Variants in LOC131768270 observed in about 807,000 individuals in gnomAD.
chr5:140,567,286 G>C, the LOC131768270 span: 5 of 1,614,172 alleles, frequency 3.1e-6, no homozygotes, highest in South Asian at 5.5e-5. Context: ...TGCTGGCACT[G>C]TGCCATGTGG....
the LOC131768270 span, chr5:140,568,218 C>T: frequency 6.2e-7 from 1 of 1,606,742 alleles, no homozygotes; most frequent in Non-Finnish European, 8.5e-7. Context: ...CCCAGGCCTT[C>T]CTCCCTCTCC....
chr5:140,567,229 C>T, the LOC131768270 span: 2 of 1,614,194 alleles, frequency 1.2e-6, no homozygotes, highest in Non-Finnish European at 1.7e-6. Flanking sequence ...CCCGCTGGAC[C>T]CTGATGCTAC....
chr5:140,565,970 A>G, the LOC131768270 span: 9 of 398,844 alleles, frequency 2.3e-5, no homozygotes, highest in Non-Finnish European at 3.5e-5. Flanking sequence ...GGAGTGGGCC[A>G]GGTAAGGACT....
At chr5:140,567,047 T>G in the LOC131768270 span, 3 of 1,479,622 alleles carry the variant, frequency 2.0e-6, no homozygotes, top group Non-Finnish European at 2.8e-6. Flanking sequence ...CCTCTGATCC[T>G]CAGTATTCTC....
the LOC131768270 span, chr5:140,566,636 A>T: frequency 2.2e-6 from 1 of 451,526 alleles, no homozygotes; most frequent in African/African-American, 2.0e-5. Flanking sequence ...AACTGAGGGC[A>T]TCAGCAGTAT....
chr5:140,568,150 G>C, the LOC131768270 span: 2 of 1,613,756 alleles, frequency 1.2e-6, no homozygotes, highest in Non-Finnish European at 1.7e-6. Context: ...GCTAGTCCCT[G>C]ACAACTTCCA....
chr5:140,567,302 C>T, the LOC131768270 span: 4 of 1,614,174 alleles, frequency 2.5e-6, no homozygotes, highest in South Asian at 3.3e-5. Context: ...TGTGGACGGC[C>T]GAGTGCCCTT....
chr5:140,568,745 A>G, the LOC131768270 span: 1 of 168,010 alleles, frequency 6.0e-6, no homozygotes, highest in African/African-American at 2.4e-5. Context: ...GCTGCTCCCC[A>G]CACCTAGCCT....
chr5:140,567,244 A>T, the LOC131768270 span: 20 of 1,614,120 alleles, frequency 1.2e-5, no homozygotes, highest in East Asian at 4.5e-4. Flanking sequence ...TGCTACTCCT[A>T]TCCACTGCCA....
At chr5:140,566,011 T>G in the LOC131768270 span, 2 of 398,944 alleles carry the variant, frequency 5.0e-6, no homozygotes, top group Non-Finnish European at 4.4e-6. Context: ...TAGGCTTTAT[T>G]GCCCAACATG....
the LOC131768270 span, chr5:140,565,999 C>T: frequency 2.5e-6 from 1 of 398,874 alleles, no homozygotes; most frequent in Non-Finnish European, 4.4e-6. Context: ...CCACCCCTGC[C>T]TTAGGCTTTA....
chr5:140,566,768 G>A, the LOC131768270 span: 2 of 599,554 alleles, frequency 3.3e-6, no homozygotes, highest in Non-Finnish European at 5.9e-6. Context: ...ACTAGCTCTA[G>A]GTGCCATGGA....
the LOC131768270 span, chr5:140,568,080 C>T: frequency 1.2e-6 from 2 of 1,613,902 alleles, no homozygotes; most frequent in Non-Finnish European, 1.7e-6. Flanking sequence ...CAGCTCACAG[C>T]CGCCTTCTTC....
the LOC131768270 span, chr5:140,565,085 C>G: frequency 2.5e-6 from 1 of 395,796 alleles, no homozygotes; most frequent in Non-Finnish European, 4.4e-6. Flanking sequence ...GGAACCATCA[C>G]GAACCCGTTA....
chr5:140,567,475 G>A, the LOC131768270 span: 2 of 1,614,146 alleles, frequency 1.2e-6, no homozygotes, highest in Non-Finnish European at 1.7e-6. Flanking sequence ...ACAACAACCT[G>A]GTGATCTATC....
the LOC131768270 span, chr5:140,565,859 C>G: frequency 1.5e-5 from 6 of 398,778 alleles, no homozygotes; most frequent in Admixed American, 1.3e-4. Flanking sequence ...GAGCCAGCCT[C>G]TCGCTTGTCC....
the LOC131768270 span, chr5:140,567,849 T>C: frequency 1.2e-6 from 2 of 1,614,158 alleles, no homozygotes; most frequent in Non-Finnish European, 1.7e-6. Flanking sequence ...CTCTACACTT[T>C]TGGTGTGCTT....
At chr5:140,567,572 CGGCA>C in the LOC131768270 span, 4 of 1,614,234 alleles carry the variant, frequency 2.5e-6, no homozygotes, top group East Asian at 8.9e-5. Context: ...CCTCTGCCTC[CGGCA>C]CCGCCTCTCT....
chr5:140,567,719 A>G, the LOC131768270 span: 2 of 1,614,134 alleles, frequency 1.2e-6, no homozygotes, highest in Admixed American at 1.7e-5. Context: ...GCCCCTGCAT[A>G]TCACTCCGCT....
Sources: gnomAD v4.1 joint callset for allele counts on GRCh38, gnomAD v4.1.1 for gene constraint, MANE v1.5 for transcripts.